AUTS2: variants seen among roughly 807,000 people sequenced by gnomAD.
The protein encoded by AUTS2 is autism susceptibility gene 2 protein.
A neutral mutation model predicts 112.4 loss-of-function variants in AUTS2; 17 were observed. That is an observed-to-expected ratio of 0.15 (90% CI 0.10 to 0.23). The LOEUF (loss-of-function observed/expected upper bound fraction) is 0.23. Among genes scored for constraint, AUTS2 ranks in the 10% least tolerant of loss-of-function variants. The pLI is 1.00. For synonymous variants in AUTS2, 751 were observed against 702.7 expected (o/e 1.07, Z -1.09); for missense variants, 1,510 against 1,701.6 (o/e 0.89, Z 1.98).
chr7:70,248,375 C>G (rs1216432142), intron 4 of AUTS2, among the ~76,000 whole-genome samples: 2 of 152,102 alleles, frequency 1.3e-5, no homozygotes, highest in African/African-American at 4.8e-5. Context: ...CTGCCTGCCT[C>G]GACCTCCCAA....
At chr7:70,469,930 G>A (rs1221750663) in intron 5 of AUTS2, among the ~76,000 whole-genome samples, 7 of 152,166 alleles carry the variant, frequency 4.6e-5, no homozygotes, top group South Asian at 2.1e-4. Flanking sequence ...ATGAGCCACC[G>A]CGCCCAGCCA....
Position 70,319,760 on chromosome 7 carries a change from A to T in AUTS2, c.661-115992A>T, listed in dbSNP as rs111966625. ...TAGGTTTGGGATGAGGTTCTGGAAGACACTAACACAAACAACCTTGATAAA... is the reference window on the plus strand; with the variant it reads ...TAGGTTTGGGATGAGGTTCTGGAAGTCACTAACACAAACAACCTTGATAAA... On this transcript the variant is annotated intron_variant, in intron 4 of 18. Coordinates refer to ENST00000342771, the MANE Select transcript of AUTS2 (RefSeq NM_015570.4). Among the ~76,000 whole-genome samples the T allele has an allele frequency of 2.6e-4, 40 of 152,350 alleles. 2 individuals are homozygous for T. Among genetic ancestry groups the T allele is most frequent in the African/African-American group, 9.1e-4 (38 of 41,598 alleles).
intron 2 of AUTS2, among the ~76,000 whole-genome samples, chr7:69,921,334 T>G (rs1248848925): frequency 6.7e-6 from 1 of 148,604 alleles, no homozygotes; most frequent in East Asian, 1.9e-4. Flanking sequence ...GAAGTTTTTT[T>G]TTTTTTTTTT....
intron 1 of AUTS2, among the ~76,000 whole-genome samples, chr7:69,877,867 G>A (rs1191978041): frequency 1.3e-5 from 2 of 152,184 alleles, no homozygotes; most frequent in African/African-American, 2.4e-5. Context: ...CATCCCTGAG[G>A]CACGTAGTGA....
At chr7:69,740,668 C>T (rs756237252) in intron 1 of AUTS2, among the ~76,000 whole-genome samples, 8 of 152,024 alleles carry the variant, frequency 5.3e-5, no homozygotes, top group Admixed American at 3.3e-4. Context: ...GGATTACAGG[C>T]GCCTGCCACC....
intron 2 of AUTS2, among the ~76,000 whole-genome samples, chr7:70,027,930 G>C (rs1231159261): frequency 2.0e-5 from 3 of 152,108 alleles, no homozygotes; most frequent in Admixed American, 6.5e-5. Context: ...TTAGGGTGGA[G>C]AACTTTATTT....
chr7:70,478,079 G>A (rs961438750), intron 5 of AUTS2, among the ~76,000 whole-genome samples: 1 of 152,160 alleles, frequency 6.6e-6, no homozygotes, highest in African/African-American at 2.4e-5. Context: ...TTGAAAGGAT[G>A]CTATTATGAC....
intron 4 of AUTS2, among the ~76,000 whole-genome samples, chr7:70,219,298 A>G (rs893123453): frequency 6.6e-6 from 1 of 152,226 alleles, no homozygotes; most frequent in Admixed American, 6.5e-5. Flanking sequence ...GCCCTCTGCC[A>G]TGATTTTATT....
At chr7:69,913,195 A>G (rs1023757424) in intron 2 of AUTS2, among the ~76,000 whole-genome samples, 2 of 152,192 alleles carry the variant, frequency 1.3e-5, no homozygotes, top group Non-Finnish European at 2.9e-5. Context: ...TCCATTGACT[A>G]GTTCAGACCC....
intron 2 of AUTS2, among the ~76,000 whole-genome samples, chr7:70,107,385 C>T (rs1403520150): frequency 7.0e-6 from 1 of 142,534 alleles, no homozygotes; most frequent in Non-Finnish European, 1.5e-5. Flanking sequence ...AGCTCTTTCG[C>T]CAGGCTGGAG....
intron 4 of AUTS2, among the ~76,000 whole-genome samples, chr7:70,394,939 GT>G (rs1794017332): frequency 6.6e-6 from 1 of 152,056 alleles, no homozygotes; most frequent in East Asian, 1.9e-4. Flanking sequence ...ATAAATAAAT[GT>G]TTAAAAGCCA....
At chr7:70,778,420 T>C (rs1319499995) in intron 14 of AUTS2, among the ~76,000 whole-genome samples, 4 of 152,128 alleles carry the variant, frequency 2.6e-5, no homozygotes, top group African/African-American at 9.7e-5. Flanking sequence ...GATAGAGCTC[T>C]TCATCACAGA....
chr7:70,038,150 G>A (rs1403208653), intron 2 of AUTS2, among the ~76,000 whole-genome samples: 1 of 152,032 alleles, frequency 6.6e-6, no homozygotes, highest in Non-Finnish European at 1.5e-5. Context: ...TGGAGGTAGT[G>A]TTGAGAACCC....
chr7:70,485,648 C>CA (rs34602716), intron 5 of AUTS2, among the ~76,000 whole-genome samples: 33,069 of 151,158 alleles, frequency 0.22, 3,839 homozygotes, highest in African/African-American at 0.22. Context: ...CTGAACCCTT[C>CA]AAAAAAAAAG....
chr7:70,770,191 A>T (rs574305122), intron 10 of AUTS2, among the ~76,000 whole-genome samples: 1 of 152,224 alleles, frequency 6.6e-6, no homozygotes, highest in African/African-American at 2.4e-5. Context: ...CAAGTATCTA[A>T]AACACAATTT....
intron 5 of AUTS2, among the ~76,000 whole-genome samples, chr7:70,568,513 G>A (rs1415733699): frequency 1.3e-5 from 2 of 152,104 alleles, no homozygotes; most frequent in Admixed American, 6.5e-5. Context: ...AGAAGAGCCA[G>A]GGCAATTGGA....
chr7:69,810,114 G>A (rs986530074), intron 1 of AUTS2, among the ~76,000 whole-genome samples: 25 of 152,044 alleles, frequency 1.6e-4, no homozygotes, highest in African/African-American at 5.3e-4. Context: ...ATGTTCCAGC[G>A]TCCAGGCACT....
chr7:69,894,252 G>GTTTTTTT lies in AUTS2; in HGVS notation c.310-5014_310-5008dup, dbSNP rs370966756. Among the ~76,000 whole-genome samples, 141 of 36,688 alleles carry GTTTTTTT rather than the reference G, an allele frequency of 3.8e-3. 13 individuals carry two copies. Among genetic ancestry groups the GTTTTTTT allele is most frequent in the African/African-American group, 0.017 (127 of 7,540 alleles). 24.1% of individuals were successfully genotyped at this position (36,688 alleles called of 152,430 possible). A position where few individuals can be genotyped will look rare whatever the true frequency, so the allele number is the denominator to read the frequency against. ...GACTGTCAAATGAATGCCTTAAAGC[G>GTTTTTTT]TTTTTTTTTTTTTTTTTTTTTTTTT... On this transcript the variant is annotated intron_variant, in intron 1 of 18. Transcript: ENST00000342771.
chr7:70,594,764 G>C (rs982251945), intron 5 of AUTS2, among the ~76,000 whole-genome samples: 1 of 152,162 alleles, frequency 6.6e-6, no homozygotes, highest in African/African-American at 2.4e-5. Context: ...TTTTGATGAG[G>C]AGCAGATGTG....
Sources: gnomAD v4.1 joint callset for allele counts (sites outside exome capture counted in the v4.1 genomes callset) on GRCh38, gnomAD v4.1.1 for gene constraint, MANE v1.5 for transcripts, NCBI Gene and HGNC (gene_info 2026-07-23, HGNC 2026-07-21) for gene names.